The following PLXDC2 variants were observed in gnomAD, a reference collection of about 807,000 sequenced individuals.
The protein encoded by PLXDC2 is plexin domain-containing protein 2.
PLXDC2 carries 40 observed loss-of-function variants against 68.9 expected under a neutral mutation model. The ratio of observed to expected loss-of-function variants is 0.58; its 90% CI spans 0.45 to 0.76. The LOEUF is 0.76. Ranked by LOEUF, PLXDC2 falls within the 30% of genes least tolerant of loss-of-function variation. The pLI, the probability that PLXDC2 is intolerant of heterozygous loss-of-function variation, is 0.00. For synonymous variants in PLXDC2, 243 were observed against 234.2 expected (o/e 1.04, Z -0.34); for missense variants, 644 against 661.9 (o/e 0.97, Z 0.30).
chr10:20,159,936 T>A (rs924602111), intron 6 of PLXDC2, among the ~76,000 whole-genome samples: 1 of 152,168 alleles, frequency 6.6e-6, no homozygotes, highest in Non-Finnish European at 1.5e-5. Context: ...TTCCTCTCTA[T>A]CTTCTTACTC....
At chr10:19,909,805 G>C (rs965391146) in intron 1 of PLXDC2, among the ~76,000 whole-genome samples, 3 of 152,052 alleles carry the variant, frequency 2.0e-5, no homozygotes, top group Admixed American at 2.0e-4. Context: ...AGATGCTTTC[G>C]TAACACTTAC....
At chr10:20,103,981 C>G (rs1004756029) in intron 4 of PLXDC2, among the ~76,000 whole-genome samples, 4 of 152,146 alleles carry the variant, frequency 2.6e-5, no homozygotes, top group African/African-American at 7.2e-5. Flanking sequence ...GGAGCAGAGA[C>G]TTTCAGAGCA....
rs1448205177 is a variant in PLXDC2, at chr10:20,089,120, A to T, written c.541+20881A>T. On this transcript the variant is annotated intron_variant, in intron 4 of 13. Coordinates refer to ENST00000377252, the MANE Select transcript of PLXDC2 (RefSeq NM_032812.9). The stretch of plus-strand genomic sequence containing the variant: ...GAGTCAAAATACGGAACATTAACAT[A>T]AGTAAAATTTAAAGGTCTGCTGTTA... 2.0e-5 allele frequency among the ~76,000 whole-genome samples: 3 copies of T among 151,864 alleles called. 1 individual carries two copies. Among genetic ancestry groups the T allele is most frequent in the African/African-American group, 7.3e-5 (3 of 41,306 alleles).
intron 12 of PLXDC2, 59 bp downstream of exon 12, chr10:20,219,161 T>C: frequency 6.5e-7 from 1 of 1,535,028 alleles, no homozygotes; most frequent in Non-Finnish European, 8.9e-7. Flanking sequence ...ATTTCATTTA[T>C]TTTACTATGA....
At chr10:20,068,269 G>C (rs1272461898) in intron 4 of PLXDC2, 30 bp downstream of exon 4, 1 of 1,530,996 alleles carries the variant, frequency 6.5e-7, no homozygotes, top group South Asian at 1.1e-5. Flanking sequence ...TTCACCTTAA[G>C]TAATCTATGG....
rs578100128 is a variant in PLXDC2 at position 20,109,407 on chromosome 10, A to G, written c.542-33888A>G. Among the ~76,000 whole-genome samples, 5 of 152,336 alleles carry G rather than the reference A, an allele frequency of 3.3e-5. No individual in the cohort carries two copies. In the East Asian group the frequency reaches 5.8e-4, roughly 18 times the overall value. ...TTCCATACAAATTGGTAACTTGAGCATATTAGATATTTTTGTTACTCCCTG... is the reference window on the plus strand; with the variant it reads ...TTCCATACAAATTGGTAACTTGAGCGTATTAGATATTTTTGTTACTCCCTG... On this transcript the variant is annotated intron_variant, in intron 4 of 13. Transcript: ENST00000377252.
intron 4 of PLXDC2, among the ~76,000 whole-genome samples, chr10:20,118,901 C>A (rs1411674161): frequency 6.7e-6 from 1 of 150,166 alleles, no homozygotes; most frequent in Non-Finnish European, 1.5e-5. Flanking sequence ...AATGGCAGGG[C>A]CAGAATTTAC....
At chr10:20,150,560 T>C (rs1834139463) in intron 6 of PLXDC2, among the ~76,000 whole-genome samples, 1 of 152,184 alleles carries the variant, frequency 6.6e-6, no homozygotes, top group African/African-American at 2.4e-5. Flanking sequence ...TCATTTCTAG[T>C]TTTCATTGCA....
At chr10:20,278,675 T>G (rs1378046089) in intron 13 of PLXDC2, among the ~76,000 whole-genome samples, 1 of 152,152 alleles carries the variant, frequency 6.6e-6, no homozygotes, top group Admixed American at 6.6e-5. Flanking sequence ...GTGAAAAACT[T>G]TCACAGCCAT....
At position 20,117,664 on chromosome 10, in the gene PLXDC2, G is replaced by A. The variant is rs562497864; in HGVS notation, c.542-25631G>A. Reference sequence around the variant, plus strand: ...TATTGCCCAGCAGTAAGAATAGGATGGAATTTTCAAAAAAGTGAGTCATGG... The same window carrying A: ...TATTGCCCAGCAGTAAGAATAGGATAGAATTTTCAAAAAAGTGAGTCATGG... On this transcript the variant is annotated intron_variant, in intron 4 of 13. Transcript: ENST00000377252. Among the ~76,000 whole-genome samples the A allele has an allele frequency of 2.0e-5, 3 of 152,118 alleles. No individual in the cohort carries two copies. The East Asian group carries it at 5.8e-4, about 29-fold the overall frequency.
intron 2 of PLXDC2, among the ~76,000 whole-genome samples, chr10:20,027,396 T>G (rs1246883750): frequency 1.3e-5 from 2 of 152,112 alleles, no homozygotes; most frequent in African/African-American, 2.4e-5. Context: ...GAGGGTACAG[T>G]GTTTGTTCTC....
intron 1 of PLXDC2, among the ~76,000 whole-genome samples, chr10:19,836,633 G>A (rs965271320): frequency 8.5e-5 from 13 of 152,146 alleles, no homozygotes; most frequent in African/African-American, 3.1e-4. Context: ...TTTTATCAGT[G>A]AAGTCTGGGG....
intron 2 of PLXDC2, among the ~76,000 whole-genome samples, chr10:20,026,290 T>A (rs1835401663): frequency 6.6e-6 from 1 of 152,178 alleles, no homozygotes. Flanking sequence ...TAAATGTTTT[T>A]AATGTCCTAA....
chr10:20,090,834 A>G (rs1833266211), intron 4 of PLXDC2, among the ~76,000 whole-genome samples: 1 of 152,248 alleles, frequency 6.6e-6, no homozygotes, highest in African/African-American at 2.4e-5. Context: ...AGATGTTAAT[A>G]TTAATTTAAA....
At chr10:20,195,557 T>G (rs1348166712) in intron 9 of PLXDC2, among the ~76,000 whole-genome samples, 1 of 152,124 alleles carries the variant, frequency 6.6e-6, no homozygotes, top group Non-Finnish European at 1.5e-5. Flanking sequence ...TGTTTATGGT[T>G]CAAAAACAGA....
At chr10:20,267,616 G>A (rs2119375181) in intron 13 of PLXDC2, among the ~76,000 whole-genome samples, 1 of 152,068 alleles carries the variant, frequency 6.6e-6, no homozygotes, top group Non-Finnish European at 1.5e-5. Context: ...AAAATTTGAG[G>A]GATTCCTTTA....
At chr10:20,231,351 G>A (rs1350569671) in intron 12 of PLXDC2, among the ~76,000 whole-genome samples, 3 of 150,868 alleles carry the variant, frequency 2.0e-5, no homozygotes, top group Non-Finnish European at 4.4e-5. Context: ...AAAATATTTT[G>A]ATGGAATGAT....
intron 9 of PLXDC2, among the ~76,000 whole-genome samples, chr10:20,187,648 A>G (rs550429847): frequency 6.6e-6 from 1 of 152,040 alleles, no homozygotes; most frequent in Non-Finnish European, 1.5e-5. Context: ...AGAAATGGAT[A>G]GAAAATAAAT....
At chr10:20,215,415 G>T (rs369544843) in intron 10 of PLXDC2, among the ~76,000 whole-genome samples, 7 of 152,092 alleles carry the variant, frequency 4.6e-5, no homozygotes, top group African/African-American at 9.7e-5. Flanking sequence ...ATATGACTGC[G>T]TATGAATGGA....
Sources: allele counts gnomAD v4.1 joint callset (sites outside exome capture counted in the v4.1 genomes callset), GRCh38; gene constraint gnomAD v4.1.1; transcripts MANE v1.5; gene names NCBI Gene and HGNC (gene_info 2026-07-23, HGNC 2026-07-21).